Variants in NALCN observed in about 807,000 individuals in gnomAD.
NALCN encodes sodium leak channel NALCN.
A neutral mutation model predicts 225.3 loss-of-function variants in NALCN; 111 were observed. The observed-to-expected ratio is 0.49, with a 90% CI of 0.42 to 0.58. The LOEUF (loss-of-function observed/expected upper bound fraction) is 0.58. NALCN is among the 20% of genes least tolerant of loss of function. The pLI, the probability that NALCN is intolerant of heterozygous loss-of-function variation, is 0.00. For synonymous variants in NALCN, 764 were observed against 769.0 expected (o/e 0.99, Z 0.11); for missense variants, 1,378 against 2,202.4 (o/e 0.63, Z 7.49).
intron 3 of NALCN, among the ~76,000 whole-genome samples, chr13:101,394,353 G>T (rs2047224398): frequency 6.6e-6 from 1 of 152,120 alleles, no homozygotes; most frequent in South Asian, 2.1e-4. Flanking sequence ...CAAAATCCTT[G>T]TACAAAATAA....
At chr13:101,156,643 T>A (rs1021072723) in intron 15 of NALCN, among the ~76,000 whole-genome samples, 18 of 152,260 alleles carry the variant, frequency 1.2e-4, no homozygotes, top group African/African-American at 4.3e-4. Flanking sequence ...GCATCTCCCC[T>A]CTGCTCATTT....
At chr13:101,412,903 A>AT (rs972617917) in intron 1 of NALCN, among the ~76,000 whole-genome samples, 4 of 151,906 alleles carry the variant, frequency 2.6e-5, no homozygotes, top group Admixed American at 2.0e-4. Flanking sequence ...ACTTGCATTG[A>AT]TTTTTTTCTT....
chr13:101,180,990 GC>G (rs1372348832), intron 14 of NALCN: 2 of 450,932 alleles, frequency 4.4e-6, no homozygotes, highest in Non-Finnish European at 8.9e-6. Context: ...CAGAAATGAA[GC>G]CCCATCATAA....
Position 101,083,706 on chromosome 13 carries a change from G to A in NALCN, c.3583+5C>T, listed in dbSNP as rs76150003. 1 of 1,612,602 alleles carries A rather than the reference G, an allele frequency of 6.2e-7. No homozygotes were observed. ...ACATGAATAAAATCAGAGCATTTTG[G>A]GTACCCGGGCGAGGCGGAAGATGAA... On this transcript the variant is annotated splice_donor_5th_base_variant and intron_variant, in intron 31 of 43. Transcript: ENST00000251127.
rs2041806023 is a variant in NALCN, at chr13:101,243,339, T to G, written c.1267-5417A>C. Reference sequence around the variant, plus strand: ...AACTCATTTTTTGGACATTTTTAGTTGAAGTTACAGAAATTGTATTTTGTG... The same window carrying G: ...AACTCATTTTTTGGACATTTTTAGTGGAAGTTACAGAAATTGTATTTTGTG... On this transcript the variant is annotated intron_variant, in intron 11 of 43. Transcript: ENST00000251127. Among the ~76,000 whole-genome samples, 2 of 104,138 alleles carry G rather than the reference T, an allele frequency of 1.9e-5. 1 individual carries two copies. Among genetic ancestry groups the G allele is most frequent in the African/African-American group, 6.9e-5 (2 of 28,906 alleles). 68.3% of individuals were successfully genotyped at this position (104,138 alleles called of 152,430 possible). A position where few individuals can be genotyped will look rare whatever the true frequency, so the allele number is the denominator to read the frequency against.
chr13:101,374,780 G>A (rs1361669680), intron 6 of NALCN, among the ~76,000 whole-genome samples: 2 of 152,152 alleles, frequency 1.3e-5, no homozygotes, highest in Non-Finnish European at 2.9e-5. Context: ...CTGAAAACAC[G>A]TGGAAACAAA....
At chr13:101,273,677 A>T (rs2042873928) in intron 10 of NALCN, among the ~76,000 whole-genome samples, 1 of 152,234 alleles carries the variant, frequency 6.6e-6, no homozygotes, top group South Asian at 2.1e-4. Flanking sequence ...TACAGTCAGG[A>T]GATCGAGACC....
intron 3 of NALCN, among the ~76,000 whole-genome samples, chr13:101,385,947 C>G (rs746807647): frequency 2.0e-5 from 3 of 152,060 alleles, no homozygotes; most frequent in Non-Finnish European, 4.4e-5. Context: ...TTCTTAGAGA[C>G]CCGTGAATCT....
At position 101,058,018 on chromosome 13, in the gene NALCN, C is replaced by A; in HGVS notation, c.4944G>T (p.Ser1648=). The change falls in exon 43 of 44, where the codon TCG becomes TCT. Residue 1648 remains serine (S), a synonymous_variant. Transcript: ENST00000251127. ...CATCTTGCCGACTTCCTCCTCGATC[C>A]GACAGCGTGGGGCTCAGGAGCTGCT... The part of the protein sequence containing the change: ...SQQQLLSPTL[S]DRGGSRQDAA... 1 of 1,613,654 alleles carries A rather than the reference C, an allele frequency of 6.2e-7. No individual in the cohort carries two copies. The highest frequency in any genetic ancestry group is 2.2e-5 in the East Asian group (1 of 44,872).
intron 10 of NALCN, among the ~76,000 whole-genome samples, chr13:101,265,586 G>C (rs1457977234): frequency 6.6e-6 from 1 of 152,164 alleles, no homozygotes; most frequent in East Asian, 1.9e-4. Context: ...ATGGATTATT[G>C]AAATAAGAGC....
intron 9 of NALCN, 44 bp downstream of exon 9, chr13:101,291,946 T>C (rs373543135): frequency 4.3e-5 from 68 of 1,584,748 alleles, no homozygotes; most frequent in Non-Finnish European, 5.3e-5. Context: ...GTGAGACATG[T>C]GCATGCTCGA....
chr13:101,338,483 A>G (rs2045455458), intron 7 of NALCN, among the ~76,000 whole-genome samples: 1 of 152,174 alleles, frequency 6.6e-6, no homozygotes, highest in Admixed American at 6.5e-5. Flanking sequence ...CAAACTGAAC[A>G]TTTTTTATTT....
intron 7 of NALCN, among the ~76,000 whole-genome samples, chr13:101,333,799 C>T (rs7326137): frequency 0.13 from 19,773 of 152,148 alleles, 2,256 homozygotes; most frequent in African/African-American, 0.31. Context: ...CTGCAGGCTG[C>T]TGTCGCCAGC....
At chr13:101,156,070 C>A (rs2139843988) in intron 15 of NALCN, among the ~76,000 whole-genome samples, 1 of 152,016 alleles carries the variant, frequency 6.6e-6, no homozygotes, top group East Asian at 1.9e-4. Context: ...GGGTTATAAC[C>A]CAGTACTTTC....
At chr13:101,258,068 C>T (rs192870170) in intron 11 of NALCN, among the ~76,000 whole-genome samples, 2 of 152,260 alleles carry the variant, frequency 1.3e-5, no homozygotes, top group Non-Finnish European at 2.9e-5. Flanking sequence ...TATTGCTGAG[C>T]TGACCAGCTT....
chr13:101,289,451 T>C (rs2043465185), intron 9 of NALCN, among the ~76,000 whole-genome samples: 1 of 151,866 alleles, frequency 6.6e-6, no homozygotes, highest in Non-Finnish European at 1.5e-5. Context: ...TCCCTTGAAA[T>C]GGTCCCTGTC....
chr13:101,415,208 C>CATATATATATATATAT lies in NALCN; in HGVS notation c.-40+1089_-40+1104dup, dbSNP rs1030463057. ...TAGTTATGAACATACAAATCACACA[C>CATATATATATATATAT]ATATATATATATATATACATACATA... On this transcript the variant is annotated intron_variant, in intron 1 of 43. Transcript: ENST00000251127. Among the ~76,000 whole-genome samples, 378 of 107,758 alleles carry CATATATATATATATAT rather than the reference C, an allele frequency of 3.5e-3. 3 individuals are homozygous for CATATATATATATATAT. The highest frequency in any genetic ancestry group is 2.9e-3 in the Non-Finnish European group (173 of 59,752). The allele number at this position is 107,758 out of a possible 152,430, so 70.7% of individuals were successfully genotyped here. A position where few individuals can be genotyped will look rare whatever the true frequency, so the allele number is the denominator to read the frequency against.
chr13:101,257,641 C>G (rs566806777), intron 11 of NALCN, among the ~76,000 whole-genome samples: 3 of 151,928 alleles, frequency 2.0e-5, no homozygotes, highest in African/African-American at 7.2e-5. Context: ...TTTATTGAAG[C>G]GTTGTACAAC....
chr13:101,075,831 C>A, intron 35 of NALCN, 42 bp downstream of exon 35: 1 of 1,521,168 alleles, frequency 6.6e-7, no homozygotes, highest in Non-Finnish European at 9.0e-7. Context: ...TTCATTAACA[C>A]ATATATGACC....
Sources: allele counts gnomAD v4.1 joint callset (sites outside exome capture counted in the v4.1 genomes callset), GRCh38; gene constraint gnomAD v4.1.1; transcripts MANE v1.5; gene names NCBI Gene and HGNC (gene_info 2026-07-23, HGNC 2026-07-21).